KAZN: variants seen among roughly 807,000 people sequenced by gnomAD.
KAZN encodes the protein kazrin, periplakin interacting protein.
A neutral mutation model predicts 87.4 loss-of-function variants in KAZN; 40 were observed. That is an observed-to-expected ratio of 0.46 (90% CI 0.36 to 0.60). KAZN has a LOEUF of 0.60. Among genes scored for constraint, KAZN ranks in the 20% least tolerant of loss-of-function variants. The pLI, the probability that KAZN is intolerant of heterozygous loss-of-function variation, is 0.00. For synonymous variants in KAZN, 466 were observed against 458.3 expected, an observed-to-expected ratio of 1.02 and a Z score of -0.22; for missense variants, 898 against 1,073.9, an observed-to-expected ratio of 0.84 and a Z score of 2.29.
chr1:14,654,161 C>T (rs1034907349), intron 1 of KAZN, among the ~76,000 whole-genome samples: 5 of 152,070 alleles, frequency 3.3e-5, no homozygotes, highest in African/African-American at 1.2e-4. Context: ...GTGGCAGGTG[C>T]CTGCAATCCC....
intron 2 of KAZN, among the ~76,000 whole-genome samples, chr1:14,317,807 AC>A (rs1388506520): frequency 1.3e-5 from 2 of 151,982 alleles, no homozygotes; most frequent in African/African-American, 2.4e-5. Flanking sequence ...AGAAAAAAAA[AC>A]AATTGGTTTG....
At chr1:14,954,548 T>C (rs1010762964) in intron 1 of KAZN, among the ~76,000 whole-genome samples, 2 of 152,208 alleles carry the variant, frequency 1.3e-5, no homozygotes, top group Non-Finnish European at 2.9e-5. Flanking sequence ...CTTCGTGCAG[T>C]CATGGCAGCG....
rs56206554 is a variant in KAZN, at chr1:14,060,362, C to CA, written c.92-120052dup. Among the ~76,000 whole-genome samples the CA allele has an allele frequency of 5.6e-3, 567 of 100,606 alleles. 5 individuals are homozygous for CA. The highest frequency in any genetic ancestry group is 0.017 in the African/African-American group (485 of 28,596). The allele number at this position is 100,606 out of a possible 152,430, so 66.0% of individuals were successfully genotyped here. A position where few individuals can be genotyped will look rare whatever the true frequency, so the allele number is the denominator to read the frequency against. ...TGGGCGACAGAGCGAGACTCCACCTCAAAAAAAAAAAAAAAAAAAAAGAAT... is the reference window on the plus strand; with the variant it reads ...TGGGCGACAGAGCGAGACTCCACCTCAAAAAAAAAAAAAAAAAAAAAAGAAT... On this transcript the variant is annotated intron_variant, in intron 1 of 16. Coordinates refer to the KAZN transcript ENST00000636203.
intron 1 of KAZN, among the ~76,000 whole-genome samples, chr1:14,041,838 A>G (rs10737915): frequency 0.62 from 93,779 of 152,082 alleles, 30,265 homozygotes; most frequent in African/African-American, 0.8. Context: ...CCACACCCCA[A>G]TGGATAGTTT....
chr1:14,953,003 G>C (rs997777341), intron 1 of KAZN, among the ~76,000 whole-genome samples: 11 of 151,758 alleles, frequency 7.2e-5, no homozygotes, highest in African/African-American at 2.4e-4. Flanking sequence ...GCTGGGAAGT[G>C]GGGGAGCCAA....
chr1:13,963,056 G>A (rs774943872), intron 1 of KAZN, among the ~76,000 whole-genome samples: 10 of 152,102 alleles, frequency 6.6e-5, no homozygotes, highest in Non-Finnish European at 1.3e-4. Flanking sequence ...TAGGAAGCTG[G>A]AACTTTATCT....
chr1:14,230,492 C>T (rs1489126869), intron 2 of KAZN, among the ~76,000 whole-genome samples: 1 of 152,136 alleles, frequency 6.6e-6, no homozygotes, highest in African/African-American at 2.4e-5. Context: ...CATTAAGGGT[C>T]ACAGCTTGTT....
chr1:14,225,561 T>G (rs1249450041), intron 2 of KAZN, among the ~76,000 whole-genome samples: 1 of 152,034 alleles, frequency 6.6e-6, no homozygotes, highest in Non-Finnish European at 1.5e-5. Context: ...AAAATAAGCC[T>G]GAATAGCCAA....
chr1:14,515,210 T>C (rs12041172), intron 2 of KAZN, among the ~76,000 whole-genome samples: 1 of 152,114 alleles, frequency 6.6e-6, no homozygotes, highest in Non-Finnish European at 1.5e-5. Flanking sequence ...CTCTCCTACA[T>C]GATCTTGCTT....
chr1:13,952,579 G>A (rs1570371191), intron 1 of KAZN, among the ~76,000 whole-genome samples: 1 of 152,044 alleles, frequency 6.6e-6, no homozygotes, highest in African/African-American at 2.4e-5. Context: ...CTTGGGCCCT[G>A]TGCTGGTTCC....
intron 2 of KAZN, among the ~76,000 whole-genome samples, chr1:14,356,811 C>T (rs188507941): frequency 1.1e-4 from 16 of 152,178 alleles, no homozygotes; most frequent in African/African-American, 3.9e-4. Context: ...TGGTACCATG[C>T]TGTTTTGGTT....
intron 2 of KAZN, among the ~76,000 whole-genome samples, chr1:14,325,857 A>G (rs1358595449): frequency 6.6e-6 from 1 of 152,210 alleles, no homozygotes; most frequent in Non-Finnish European, 1.5e-5. Context: ...CTGTGTCTTA[A>G]GTCTCCTCCA....
Position 14,549,766 on chromosome 1 carries a change from G to C in KAZN, c.250-49217G>C, listed in dbSNP as rs1673393309. On this transcript the variant is annotated intron_variant, in intron 2 of 16. Coordinates refer to the KAZN transcript ENST00000636203. The stretch of plus-strand genomic sequence containing the variant: ...TGGCCTCAGTTCGGTCTTCCCACCA[G>C]CGACAGGCACAAGGCCTGTATCCTG... Among the ~76,000 whole-genome samples the C allele has an allele frequency of 2.8e-5, 4 of 143,908 alleles. No individual in the cohort carries two copies. The South Asian group carries it at 9.3e-4, about 33-fold the overall frequency. The allele number at this position is 143,908 out of a possible 152,430, so 94.4% of individuals were successfully genotyped here. A position where few individuals can be genotyped will look rare whatever the true frequency, so the allele number is the denominator to read the frequency against.
intron 1 of KAZN, among the ~76,000 whole-genome samples, chr1:13,964,592 C>G (rs1641874723): frequency 1.3e-5 from 2 of 152,168 alleles, no homozygotes; most frequent in Admixed American, 6.5e-5. Flanking sequence ...GTCTCTCATG[C>G]TCCAGCAGGC....
intron 1 of KAZN, among the ~76,000 whole-genome samples, chr1:14,700,494 G>A (rs1641863367): frequency 6.6e-6 from 1 of 151,966 alleles, no homozygotes; most frequent in African/African-American, 2.4e-5. Flanking sequence ...ATAGTCAGAG[G>A]CTGTGCTCAC....
At chr1:14,647,875 A>G (rs28730493) in intron 1 of KAZN, among the ~76,000 whole-genome samples, 38,868 of 151,984 alleles carry the variant, frequency 0.26, 5,193 homozygotes, top group South Asian at 0.35. Context: ...TTGGACCTAG[A>G]GAGGGAATCT....
Position 15,096,173 on chromosome 1 carries a change from GC to G in KAZN, c.1547+1245del, listed in dbSNP as rs1366438372. Among the ~76,000 whole-genome samples, 2 of 152,116 alleles carry G rather than the reference GC, an allele frequency of 1.3e-5. No homozygotes were observed. Among genetic ancestry groups the G allele is most frequent in the East Asian group, 1.9e-4 (1 of 5,190 alleles). ...GTCACCCAAGTAGGAAATCCCTCCT[GC>G]CCCCTTACCCCACACCCAGCAGGGT... On this transcript the variant is annotated intron_variant, in intron 10 of 14. Coordinates refer to ENST00000376030, the MANE Select transcript of KAZN (RefSeq NM_201628.3). The surrounding 1 kb of genome is among the most constrained non-coding windows in gnomAD (Gnocchi z 4.5).
intron 1 of KAZN, chr1:14,692,296 G>A: frequency 1.7e-6 from 1 of 593,408 alleles, no homozygotes; most frequent in Non-Finnish European, 2.7e-6. Context: ...ATCTCTGCCT[G>A]CTTTTTAATG....
intron 2 of KAZN, among the ~76,000 whole-genome samples, chr1:14,318,591 A>G (rs1655818053): frequency 6.6e-6 from 1 of 152,072 alleles, no homozygotes; most frequent in Non-Finnish European, 1.5e-5. Flanking sequence ...GATGTATAGT[A>G]TCACCAAATT....
Sources: allele counts gnomAD v4.1 joint callset (sites outside exome capture counted in the v4.1 genomes callset), GRCh38; gene constraint gnomAD v4.1.1; non-coding constraint Gnocchi (gnomAD v3.1); transcripts MANE v1.5; gene names NCBI Gene and HGNC (gene_info 2026-07-23, HGNC 2026-07-21).